Variants in GPR143 observed in about 807,000 individuals in gnomAD.
GPR143 encodes the protein G-protein coupled receptor 143.
In GPR143, 8 loss-of-function variants were observed where a neutral mutation model predicts 27.6. The observed-to-expected ratio is 0.29, with a 90% CI of 0.17 to 0.52. The LOEUF (loss-of-function observed/expected upper bound fraction) is 0.52. Ranked by LOEUF, GPR143 falls within the 20% of genes least tolerant of loss-of-function variation. The pLI is 0.96. For missense variants in GPR143, 303 were observed against 343.1 expected (o/e 0.88, Z 0.92); for synonymous variants, 156 against 153.2 (o/e 1.02, Z -0.13).
chrX:9,764,749 G>C (rs1010234247), intron 1 of GPR143, among the ~76,000 whole-genome samples: 9 of 111,666 alleles, frequency 8.1e-5, no homozygotes, highest in African/African-American at 2.9e-4. Context: ...CTAGTCGGCC[G>C]GGCGCGGTGG....
Position 9,739,510 on chromosome X carries a change from G to A in GPR143, c.1095C>T (p.Asp365=), listed in dbSNP as rs778572122. ...KVSQVGGQTS[D]EALSMLSEGS... ...CTTCAGACAGCATGCTCAGGGCTTC[G>A]TCAGAAGTCTGCCCACCCACTTGAG... is the stretch of plus-strand genomic sequence containing the variant. Residue 365 remains aspartate, a synonymous_variant, in exon 8 of 9, where the codon GAC becomes GAT. Coordinates refer to ENST00000467482, the MANE Select transcript of GPR143 (RefSeq NM_000273.3). The A allele has an allele frequency of 1.4e-4, 172 of 1,206,240 alleles. No homozygotes were observed. Among genetic ancestry groups the A allele is most frequent in the Non-Finnish European group, 1.8e-4 (164 of 891,783 alleles).
chrX:9,772,578 G>A (rs1223525622), intron 1 of GPR143, among the ~76,000 whole-genome samples: 2 of 111,022 alleles, frequency 1.8e-5, no homozygotes, highest in Non-Finnish European at 3.8e-5. Context: ...GGAGGCTGAG[G>A]TGGGAGGATT....
intron 1 of GPR143, among the ~76,000 whole-genome samples, chrX:9,776,741 C>G (rs748929383): frequency 7.6e-5 from 8 of 105,525 alleles, no homozygotes; most frequent in Non-Finnish European, 1.3e-4. Context: ...GGGTCTCACT[C>G]TATTACCCAG....
chrX:9,738,438 A>G (rs1351554667), intron 8 of GPR143: 2 of 746,090 alleles, frequency 2.7e-6, no homozygotes, highest in Non-Finnish European at 3.2e-6. Flanking sequence ...CTGTAAATAA[A>G]TCTTCTCTCT....
chrX:9,762,368 C>T (rs766474692), intron 1 of GPR143, among the ~76,000 whole-genome samples: 3 of 109,582 alleles, frequency 2.7e-5, no homozygotes, highest in Non-Finnish European at 5.7e-5. Context: ...CCAGCCTGGG[C>T]GACAGAGTGA....
At chrX:9,773,512 TAAAC>T (rs1569128081) in intron 1 of GPR143, among the ~76,000 whole-genome samples, 2 of 98,125 alleles carry the variant, frequency 2.0e-5, no homozygotes, top group African/African-American at 7.9e-5. Flanking sequence ...CACACACACA[TAAAC>T]ACACACGCAC....
At chrX:9,766,901 T>TCA (rs1356803704), upstream of GPR143, among the ~76,000 whole-genome samples, 55 of 65,144 alleles carry the variant, frequency 8.4e-4, no homozygotes, top group African/African-American at 2.1e-3. Context: ...TATCTCTCTC[T>TCA]CTCACACACA....
intron 1 of GPR143, among the ~76,000 whole-genome samples, chrX:9,773,480 T>TACACACACAC (rs57491053): frequency 2.0e-3 from 206 of 102,737 alleles, no homozygotes; most frequent in African/African-American, 6.9e-3. Context: ...GCTTTGAAAG[T>TACACACACAC]ACACACACAC....
At chrX:9,751,357 G>A (rs1231591219) in intron 3 of GPR143, among the ~76,000 whole-genome samples, 1 of 112,499 alleles carries the variant, frequency 8.9e-6, no homozygotes, top group Non-Finnish European at 1.9e-5. Flanking sequence ...CTGTGCTCAG[G>A]GAGGTGGAGA....
At chrX:9,736,092 A>C (rs2083378289) in intron 8 of GPR143, among the ~76,000 whole-genome samples, 1 of 110,502 alleles carries the variant, frequency 9.0e-6, no homozygotes, top group Non-Finnish European at 1.9e-5. Flanking sequence ...TCGGAATGAC[A>C]CCTGCGTTTC....
chrX:9,746,241 T>A, intron 4 of GPR143, 88 bp from the exon 5 acceptor site: 1 of 568,477 alleles, frequency 1.8e-6, no homozygotes, highest in Non-Finnish European at 3.1e-6. Context: ...GATAAGAGGA[T>A]GAGAACAAAA....
At position 9,759,422 on chromosome X, in the gene GPR143, C is replaced by A. The variant is rs1470722369; in HGVS notation, c.365G>T (p.Trp122Leu). ...GCAGGCACTGTACAACAGCTGGATCCACATCTGCAATCGGGAAGAGCCTGC... is the reference window on the plus strand; with the variant it reads ...GCAGGCACTGTACAACAGCTGGATCAACATCTGCAATCGGGAAGAGCCTGC... ...PAAFCVGSAM[W>L]IQLLYSACFW... Residue 122 changes from tryptophan to leucine, a missense_variant, in exon 3 of 9, where the codon TGG becomes TTG. Physicochemically the swap from Trp to Leu is moderately conservative, Grantham distance 61. Transcript: ENST00000467482. The A allele has an allele frequency of 4.3e-6, 5 of 1,172,213 alleles. No homozygotes were observed. Among genetic ancestry groups the A allele is most frequent in the Non-Finnish European group, 5.8e-6 (5 of 865,351 alleles).
intron 3 of GPR143, among the ~76,000 whole-genome samples, chrX:9,749,232 C>CA (rs202148920): frequency 9.6e-6 from 1 of 104,545 alleles, no homozygotes; most frequent in African/African-American, 3.8e-5. Context: ...TCCCTCCCCC[C>CA]CCAACCCCCT....
At chrX:9,778,096 A>C (rs1203654484) in intron 1 of GPR143, among the ~76,000 whole-genome samples, 1 of 111,467 alleles carries the variant, frequency 9.0e-6, no homozygotes, top group African/African-American at 3.3e-5. Flanking sequence ...ATCTCAAAAA[A>C]AAAAGGAAAA....
chrX:9,740,756 T>TC (rs1329866615), intron 7 of GPR143: 4 of 224,807 alleles, frequency 1.8e-5, no homozygotes, highest in Admixed American at 7.5e-5. Flanking sequence ...TTTCTTTCTT[T>TC]TTTTTTTTTT....
upstream of GPR143, among the ~76,000 whole-genome samples, chrX:9,766,451 A>G (rs186069001): frequency 1.8e-5 from 2 of 111,463 alleles, no homozygotes; most frequent in East Asian, 5.6e-4. Flanking sequence ...TTAAAGAAAG[A>G]GCAGTAGCTC....
intron 1 of GPR143, among the ~76,000 whole-genome samples, chrX:9,776,507 TC>T (rs781043266): frequency 3.9e-5 from 4 of 102,087 alleles, no homozygotes; most frequent in Non-Finnish European, 7.9e-5. Context: ...TGCCCCAGCC[TC>T]CCCAGTAGCT....
Position 9,735,311 on chromosome X carries a change from C to T in GPR143, c.1120+4174G>A, listed in dbSNP as rs142234435. Among the ~76,000 whole-genome samples, 521 of 111,782 alleles carry T rather than the reference C, an allele frequency of 4.7e-3. 6 individuals carry two copies. The highest frequency in any genetic ancestry group is 0.045 in the East Asian group (157 of 3,509). On this transcript the variant is annotated intron_variant, in intron 8 of 8. Transcript: ENST00000467482. ...CAGAATCTTTATAAACCCTTCACCA[C>T]TTCTCCAGCTTCCCCCAACGCCTCC...
chrX:9,736,583 C>A (rs763437912), intron 8 of GPR143, among the ~76,000 whole-genome samples: 2 of 111,499 alleles, frequency 1.8e-5, no homozygotes, highest in Non-Finnish European at 3.8e-5. Context: ...TACTACCAGG[C>A]CAGGCCACTT....
Sources: allele counts gnomAD v4.1 joint callset (sites outside exome capture counted in the v4.1 genomes callset), GRCh38; gene constraint gnomAD v4.1.1; transcripts MANE v1.5; gene names NCBI Gene and HGNC (gene_info 2026-07-23, HGNC 2026-07-21).